The following SMYD3 variants were observed in gnomAD, a reference collection of about 807,000 sequenced individuals.
SMYD3 encodes histone-lysine N-methyltransferase SMYD3.
In SMYD3, 36 loss-of-function variants were observed where a neutral mutation model predicts 57.7. The ratio of observed to expected loss-of-function variants is 0.62; its 90% CI spans 0.48 to 0.82. The LOEUF (loss-of-function observed/expected upper bound fraction) is 0.82. Among genes scored for constraint, SMYD3 ranks in the 40% least tolerant of loss-of-function variants. The pLI, the probability that SMYD3 is intolerant of heterozygous loss-of-function variation, is 0.00. For missense variants in SMYD3, 515 were observed against 538.8 expected, an observed-to-expected ratio of 0.96 and a Z score of 0.44; for synonymous variants, 211 against 195.0, an observed-to-expected ratio of 1.08 and a Z score of -0.68.
At chr1:245,857,335 A>G (rs61830190) in intron 10 of SMYD3, among the ~76,000 whole-genome samples, 84,543 of 151,986 alleles carry the variant, frequency 0.56, 26,682 homozygotes, top group Middle Eastern at 0.73. Flanking sequence ...CTGACCAAAC[A>G]CCTCATTTCT....
At chr1:246,074,336 TC>T (rs1322034552) in intron 5 of SMYD3, among the ~76,000 whole-genome samples, 2 of 151,124 alleles carry the variant, frequency 1.3e-5, no homozygotes, top group African/African-American at 4.9e-5. Flanking sequence ...AAAATTATCT[TC>T]CTTTTTTATT....
Position 245,955,865 on chromosome 1 carries a change from A to G in SMYD3, c.532-25928T>C, listed in dbSNP as rs1290858665. 1.4e-5 allele frequency: 12 copies of G among 849,266 alleles called. No homozygotes were observed. In the Admixed American group the frequency reaches 7.5e-4, roughly 53 times the overall value. The allele number at this position is 849,266 out of a possible 1,614,324, so 52.6% of individuals were successfully genotyped here. ...ATCATACTGCATTGATGATTTTGCAATTTGTTTTGGGTTTTTTTTTTTTTT... is the reference window on the plus strand; with the variant it reads ...ATCATACTGCATTGATGATTTTGCAGTTTGTTTTGGGTTTTTTTTTTTTTT... On this transcript the variant is annotated intron_variant, in intron 5 of 11. Coordinates refer to ENST00000490107, the MANE Select transcript of SMYD3 (RefSeq NM_001167740.2).
chr1:245,883,737 T>C (rs1205480091), intron 8 of SMYD3, among the ~76,000 whole-genome samples: 2 of 152,174 alleles, frequency 1.3e-5, no homozygotes, highest in Non-Finnish European at 2.9e-5. Context: ...GGTACAAATC[T>C]AGCGAGATGA....
At chr1:246,261,452 A>G (rs867995965) in intron 5 of SMYD3, among the ~76,000 whole-genome samples, 3 of 151,860 alleles carry the variant, frequency 2.0e-5, no homozygotes, top group African/African-American at 7.2e-5. Flanking sequence ...TTATTTTCTT[A>G]AAGATATAAT....
intron 5 of SMYD3, among the ~76,000 whole-genome samples, chr1:245,980,883 A>G (rs2058579283): frequency 6.6e-6 from 1 of 152,228 alleles, no homozygotes; most frequent in Non-Finnish European, 1.5e-5. Flanking sequence ...CTGTTTTTGT[A>G]AATCAAGTTT....
At chr1:246,138,558 TG>T (rs1255075467) in intron 5 of SMYD3, among the ~76,000 whole-genome samples, 1 of 101,070 alleles carries the variant, frequency 9.9e-6, no homozygotes. Flanking sequence ...CCCGAGTAGC[TG>T]GGACTGCAGG....
intron 5 of SMYD3, among the ~76,000 whole-genome samples, chr1:246,114,820 C>CG (rs2061316316): frequency 6.6e-6 from 1 of 152,106 alleles, no homozygotes; most frequent in African/African-American, 2.4e-5. Flanking sequence ...TTAGTAGAGA[C>CG]GGGGTTTCAC....
chr1:246,166,749 G>C (rs1325925737), intron 5 of SMYD3, among the ~76,000 whole-genome samples: 1 of 152,196 alleles, frequency 6.6e-6, no homozygotes, highest in East Asian at 1.9e-4. Flanking sequence ...ATACCTGAGA[G>C]CTAGGGGCCG....
chr1:246,166,317 A>G (rs2062209994), intron 5 of SMYD3, among the ~76,000 whole-genome samples: 1 of 152,202 alleles, frequency 6.6e-6, no homozygotes, highest in South Asian at 2.1e-4. Flanking sequence ...ACATGTTTGT[A>G]TAGGGTTCTT....
At chr1:245,836,752 GT>G (rs1235676019) in intron 10 of SMYD3, among the ~76,000 whole-genome samples, 9 of 152,154 alleles carry the variant, frequency 5.9e-5, no homozygotes, top group Non-Finnish European at 1.2e-4. Flanking sequence ...TCCCGACTCG[GT>G]TTCAGTGATG....
intron 1 of SMYD3, among the ~76,000 whole-genome samples, chr1:246,434,265 A>G (rs1161336454): frequency 6.6e-6 from 1 of 152,248 alleles, no homozygotes. Context: ...AGCAATTGCA[A>G]CAAAAACAAA....
At chr1:246,265,165 T>C (rs2064080910) in intron 5 of SMYD3, among the ~76,000 whole-genome samples, 1 of 152,224 alleles carries the variant, frequency 6.6e-6, no homozygotes, top group African/African-American at 2.4e-5. Flanking sequence ...AGACAGGGTC[T>C]TTCTCTGTTG....
chr1:246,275,805 G>C (rs543912193), intron 5 of SMYD3, among the ~76,000 whole-genome samples: 2 of 149,582 alleles, frequency 1.3e-5, no homozygotes, highest in Admixed American at 1.3e-4. Context: ...ACACTGGCAA[G>C]TTATTTAATG....
chr1:246,365,351 C>T (rs1482373981), intron 1 of SMYD3, among the ~76,000 whole-genome samples: 1 of 150,754 alleles, frequency 6.6e-6, no homozygotes, highest in African/African-American at 2.4e-5. Context: ...AAAAATTAGC[C>T]AGGCATGGTG....
chr1:246,349,322 G>A lies in SMYD3; in HGVS notation c.228+5709C>T, dbSNP rs559019183. The stretch of plus-strand genomic sequence containing the variant: ...ATAAATGACATAAGAGAGGGAGCAG[G>A]GGCCGGGCACAGTGGCTCAGGCCTG... On this transcript the variant is annotated intron_variant, in intron 2 of 11. Coordinates refer to ENST00000490107, the MANE Select transcript of SMYD3 (RefSeq NM_001167740.2). Among the ~76,000 whole-genome samples, 7 of 152,252 alleles carry A rather than the reference G, an allele frequency of 4.6e-5. No homozygotes were observed. The South Asian group carries it at 1.5e-3, about 32-fold the overall frequency.
At chr1:246,155,492 A>C (rs185954752) in intron 5 of SMYD3, among the ~76,000 whole-genome samples, 2 of 152,362 alleles carry the variant, frequency 1.3e-5, no homozygotes, top group East Asian at 3.9e-4. Flanking sequence ...TAATAATCAA[A>C]AACTACCTTT....
chr1:246,064,161 T>C (rs2060302345), intron 5 of SMYD3, among the ~76,000 whole-genome samples: 1 of 152,152 alleles, frequency 6.6e-6, no homozygotes, highest in African/African-American at 2.4e-5. Flanking sequence ...TCTCTCTTGC[T>C]CGCATCACTG....
intron 5 of SMYD3, among the ~76,000 whole-genome samples, chr1:246,128,988 G>A (rs1439558655): frequency 1.3e-5 from 2 of 151,836 alleles, no homozygotes; most frequent in African/African-American, 4.8e-5. Context: ...GTATTTTTCG[G>A]GGTTTTGCCA....
intron 10 of SMYD3, among the ~76,000 whole-genome samples, chr1:245,824,494 A>G (rs1424200659): frequency 1.3e-5 from 2 of 152,210 alleles, no homozygotes; most frequent in Non-Finnish European, 2.9e-5. Context: ...AGGCGGGTGG[A>G]TCACTTGAGG....
Sources: allele counts gnomAD v4.1 joint callset (sites outside exome capture counted in the v4.1 genomes callset), GRCh38; gene constraint gnomAD v4.1.1; transcripts MANE v1.5; gene names NCBI Gene and HGNC (gene_info 2026-07-23, HGNC 2026-07-21).